Variants in GALNTL6 observed in about 807,000 individuals in gnomAD.
GALNTL6 encodes the protein polypeptide N-acetylgalactosaminyltransferase like 6.
In GALNTL6, 46 loss-of-function variants were observed where a neutral mutation model predicts 73.7. The ratio of observed to expected loss-of-function variants is 0.62; its 90% CI spans 0.49 to 0.80. The LOEUF (loss-of-function observed/expected upper bound fraction) is 0.80, where lower values mean the gene tolerates loss of function less well. Among genes scored for constraint, GALNTL6 ranks in the 30% least tolerant of loss-of-function variants. The pLI, the probability that GALNTL6 is intolerant of heterozygous loss-of-function variation, is 0.00. For missense variants in GALNTL6, 604 were observed against 755.0 expected, an observed-to-expected ratio of 0.80 and a Z score of 2.34; for synonymous variants, 259 against 263.7, an observed-to-expected ratio of 0.98 and a Z score of 0.17.
chr4:172,781,602 G>T (rs927109482), intron 5 of GALNTL6, among the ~76,000 whole-genome samples: 1 of 152,028 alleles, frequency 6.6e-6, no homozygotes, highest in Non-Finnish European at 1.5e-5. Context: ...GAGCCTTATT[G>T]ATCAGTTTAA....
intron 7 of GALNTL6, among the ~76,000 whole-genome samples, chr4:172,830,325 A>T (rs1261845829): frequency 1.3e-5 from 2 of 152,194 alleles, no homozygotes; most frequent in Non-Finnish European, 2.9e-5. Context: ...CTATTTTTAA[A>T]TTCAGAATTA....
intron 2 of GALNTL6, among the ~76,000 whole-genome samples, chr4:172,173,865 G>A (rs959028936): frequency 3.3e-5 from 5 of 152,292 alleles, no homozygotes; most frequent in African/African-American, 9.6e-5. Context: ...AAAATGGCCC[G>A]TGTGGCTAAA....
chr4:171,831,161 A>T (rs1579491498), intron 2 of GALNTL6, among the ~76,000 whole-genome samples: 1 of 152,058 alleles, frequency 6.6e-6, no homozygotes, highest in East Asian at 1.9e-4. Flanking sequence ...CCTTTGAACA[A>T]CCCCCACTCT....
chr4:172,029,440 G>A (rs937033695), intron 2 of GALNTL6, among the ~76,000 whole-genome samples: 4 of 151,882 alleles, frequency 2.6e-5, no homozygotes, highest in Non-Finnish European at 4.4e-5. Flanking sequence ...TGACACTATC[G>A]AATACTGATC....
intron 5 of GALNTL6, among the ~76,000 whole-genome samples, chr4:172,374,924 G>T (rs1472955623): frequency 6.6e-6 from 1 of 152,154 alleles, no homozygotes; most frequent in Non-Finnish European, 1.5e-5. Context: ...CCCCAGGTCT[G>T]CCTTGATCTG....
At chr4:172,700,760 A>T (rs2111289651) in intron 5 of GALNTL6, among the ~76,000 whole-genome samples, 1 of 152,286 alleles carries the variant, frequency 6.6e-6, no homozygotes, top group East Asian at 1.9e-4. Flanking sequence ...GTTTCTCCCT[A>T]TTGCGTTGCA....
At chr4:172,366,606 A>T (rs1175434182) in intron 5 of GALNTL6, among the ~76,000 whole-genome samples, 1 of 152,150 alleles carries the variant, frequency 6.6e-6, no homozygotes, top group African/African-American at 2.4e-5. Flanking sequence ...ACGTGGGAAA[A>T]AATAACCAGC....
At chr4:172,959,912 G>A (rs966546470) in intron 10 of GALNTL6, among the ~76,000 whole-genome samples, 5 of 152,200 alleles carry the variant, frequency 3.3e-5, no homozygotes, top group African/African-American at 1.2e-4. Flanking sequence ...GTGTGCTGGA[G>A]ATGTGGCTGG....
intron 5 of GALNTL6, among the ~76,000 whole-genome samples, chr4:172,680,212 AT>A (rs1426042109): frequency 1.3e-5 from 2 of 152,176 alleles, no homozygotes; most frequent in Non-Finnish European, 2.9e-5. Flanking sequence ...GAATAGTGTT[AT>A]TATTTACATT....
intron 3 of GALNTL6, among the ~76,000 whole-genome samples, chr4:172,288,428 G>T (rs1374023770): frequency 6.6e-6 from 1 of 151,920 alleles, no homozygotes; most frequent in African/African-American, 2.4e-5. Flanking sequence ...TGACTTCCTG[G>T]CTAAAAGTGA....
At chr4:172,928,693 ACATCTCTTC>A (rs1252838620) in intron 8 of GALNTL6, among the ~76,000 whole-genome samples, 1 of 152,184 alleles carries the variant, frequency 6.6e-6, no homozygotes, top group African/African-American at 2.4e-5. Context: ...GCTCTACAAA[ACATCTCTTC>A]CAAATATTGG....
chr4:172,758,905 C>T (rs777043125), intron 5 of GALNTL6, among the ~76,000 whole-genome samples: 1 of 152,224 alleles, frequency 6.6e-6, no homozygotes, highest in East Asian at 1.9e-4. Flanking sequence ...CATTCCCATG[C>T]GAGGACAATA....
At chr4:172,790,081 A>T (rs1027275641) in intron 5 of GALNTL6, among the ~76,000 whole-genome samples, 1 of 152,364 alleles carries the variant, frequency 6.6e-6, no homozygotes, top group South Asian at 2.1e-4. Flanking sequence ...AAAAGCTTCA[A>T]TTGGTAGAAT....
chr4:172,113,899 T>G (rs188681923), intron 2 of GALNTL6, among the ~76,000 whole-genome samples: 20 of 152,252 alleles, frequency 1.3e-4, no homozygotes, highest in African/African-American at 4.8e-4. Context: ...ATTCGTTTAC[T>G]TGTTTTACAA....
At chr4:173,000,440 CATGG>C (rs965386404) in intron 10 of GALNTL6, among the ~76,000 whole-genome samples, 8 of 152,244 alleles carry the variant, frequency 5.3e-5, no homozygotes, top group African/African-American at 1.9e-4. Context: ...ATCCCATGTT[CATGG>C]ATTTAAAAAC....
intron 4 of GALNTL6, among the ~76,000 whole-genome samples, chr4:172,326,918 TTATTTA>T (rs981458192): frequency 6.6e-6 from 1 of 151,996 alleles, no homozygotes; most frequent in African/African-American, 2.4e-5. Context: ...TTACCTGACT[TTATTTA>T]TAGTATAAGT....
chr4:172,423,426 C>T lies in GALNTL6; in HGVS notation c.553+74737C>T, dbSNP rs573787240. On this transcript the variant is annotated intron_variant, in intron 5 of 12. Coordinates refer to ENST00000506823, the MANE Select transcript of GALNTL6 (RefSeq NM_001034845.3). ...TGACAACTCTTCCCCTCATTACTGC[C>T]GCAGTCAGTACACTGGTGCCTTCCT... Among the ~76,000 whole-genome samples, 60 of 152,044 alleles carry T rather than the reference C, an allele frequency of 3.9e-4. 1 individual carries two copies. In the Middle Eastern group the frequency reaches 0.017, roughly 43 times the overall value.
chr4:172,723,988 T>C (rs1735649592), intron 5 of GALNTL6, among the ~76,000 whole-genome samples: 1 of 152,144 alleles, frequency 6.6e-6, no homozygotes, highest in Admixed American at 6.5e-5. Flanking sequence ...TTGTGAGGCT[T>C]TCTCAGCAAA....
At chr4:171,851,673 T>G (rs2110861747) in intron 2 of GALNTL6, among the ~76,000 whole-genome samples, 1 of 152,330 alleles carries the variant, frequency 6.6e-6, no homozygotes, top group South Asian at 2.1e-4. Context: ...TTTTTGGGTC[T>G]ATTGATGAAC....
Sources: gnomAD v4.1 joint callset for allele counts (sites outside exome capture counted in the v4.1 genomes callset) on GRCh38, gnomAD v4.1.1 for gene constraint, MANE v1.5 for transcripts, NCBI Gene and HGNC (gene_info 2026-07-23, HGNC 2026-07-21) for gene names.